TAFA1: variants seen among roughly 807,000 people sequenced by gnomAD.
TAFA1 encodes the protein chemokine-like protein TAFA-1.
In TAFA1, 4 loss-of-function variants were observed where a neutral mutation model predicts 18.5. The observed-to-expected ratio is 0.22, with a 90% CI of 0.11 to 0.49. The LOEUF is 0.49. TAFA1 is among the 20% of genes least tolerant of loss of function. The pLI is 0.98. For synonymous variants in TAFA1, 56 were observed against 55.2 expected, an observed-to-expected ratio of 1.01 and a Z score of -0.06; for missense variants, 147 against 169.0, an observed-to-expected ratio of 0.87 and a Z score of 0.72.
chr3:68,448,459 G>A (rs1442334370), intron 3 of TAFA1, among the ~76,000 whole-genome samples: 2 of 152,074 alleles, frequency 1.3e-5, no homozygotes, highest in South Asian at 2.1e-4. Context: ...CTATTAATAC[G>A]ACGACTGTAC....
At chr3:68,431,275 C>A (rs1355480278) in intron 3 of TAFA1, among the ~76,000 whole-genome samples, 2 of 152,122 alleles carry the variant, frequency 1.3e-5, no homozygotes, top group African/African-American at 4.8e-5. Context: ...TTAAAATCTT[C>A]AAGCACATAA....
chr3:68,297,887 C>T (rs551948758), intron 2 of TAFA1, among the ~76,000 whole-genome samples: 1 of 152,284 alleles, frequency 6.6e-6, no homozygotes, highest in Non-Finnish European at 1.5e-5. Flanking sequence ...TTACAACAAG[C>T]TCAGTAAGTC....
upstream of TAFA1, among the ~76,000 whole-genome samples, chr3:68,003,689 T>A (rs1401242100): frequency 6.6e-6 from 1 of 152,180 alleles, no homozygotes; most frequent in Admixed American, 6.5e-5. Context: ...CACCCCAGCA[T>A]GTTATTTGAA....
At chr3:68,154,809 C>T (rs2065847923) in intron 2 of TAFA1, among the ~76,000 whole-genome samples, 1 of 152,126 alleles carries the variant, frequency 6.6e-6, no homozygotes, top group Admixed American at 6.6e-5. Flanking sequence ...CCCCAGTGCC[C>T]TTGGGACATT....
intron 2 of TAFA1, among the ~76,000 whole-genome samples, chr3:68,037,086 G>T (rs990373032): frequency 6.6e-6 from 1 of 152,134 alleles, no homozygotes; most frequent in African/African-American, 2.4e-5. Context: ...CTTGGGAGAG[G>T]TCAGGGAAGA....
chr3:68,101,444 C>T (rs2106817971), intron 2 of TAFA1, among the ~76,000 whole-genome samples: 1 of 152,072 alleles, frequency 6.6e-6, no homozygotes, highest in African/African-American at 2.4e-5. Flanking sequence ...AAATGTCCAA[C>T]AATGATAGAC....
chr3:68,523,584 T>A (rs1018186143), intron 3 of TAFA1, among the ~76,000 whole-genome samples: 6 of 152,186 alleles, frequency 3.9e-5, no homozygotes, highest in Middle Eastern at 3.2e-3. Flanking sequence ...CAAAAACTCA[T>A]AAATATAGTA....
intron 2 of TAFA1, among the ~76,000 whole-genome samples, chr3:68,045,181 C>A (rs1193262726): frequency 6.6e-6 from 1 of 152,030 alleles, no homozygotes; most frequent in East Asian, 1.9e-4. Context: ...CATTAGCTAT[C>A]CAAATGGAGC....
chr3:68,019,191 T>C (rs1704628969), intron 2 of TAFA1, among the ~76,000 whole-genome samples: 1 of 152,222 alleles, frequency 6.6e-6, no homozygotes. Context: ...GTTAGCTTGT[T>C]GTATATCATG....
intron 2 of TAFA1, among the ~76,000 whole-genome samples, chr3:68,277,862 C>T (rs1310078666): frequency 6.6e-6 from 1 of 152,264 alleles, no homozygotes; most frequent in East Asian, 1.9e-4. Context: ...ATCGTGACAA[C>T]TTTTCAGGTC....
At chr3:68,327,702 C>T (rs983963) in intron 2 of TAFA1, among the ~76,000 whole-genome samples, 20,550 of 152,146 alleles carry the variant, frequency 0.14, 1,750 homozygotes, top group East Asian at 0.37. Flanking sequence ...GGTATTACTG[C>T]CCAGTGCACA....
At chr3:68,038,776 T>C (rs906262100) in intron 2 of TAFA1, among the ~76,000 whole-genome samples, 5 of 152,198 alleles carry the variant, frequency 3.3e-5, no homozygotes, top group Admixed American at 3.3e-4. Flanking sequence ...TAGAGATGTT[T>C]AGCCAAGATG....
chr3:68,237,660 A>G (rs2066944628), intron 2 of TAFA1, among the ~76,000 whole-genome samples: 1 of 152,144 alleles, frequency 6.6e-6, no homozygotes, highest in Non-Finnish European at 1.5e-5. Context: ...TTACCTATAC[A>G]CTTTTTGCCT....
intron 2 of TAFA1, among the ~76,000 whole-genome samples, chr3:68,380,727 C>A (rs571702373): frequency 3.9e-5 from 6 of 152,094 alleles, no homozygotes; most frequent in African/African-American, 1.4e-4. Context: ...GTTGCCTGTT[C>A]ACTCTGACAG....
chr3:68,109,369 CT>C (rs2065239421), intron 2 of TAFA1, among the ~76,000 whole-genome samples: 1 of 152,078 alleles, frequency 6.6e-6, no homozygotes, highest in African/African-American at 2.4e-5. Context: ...CATGTGTTAT[CT>C]GTTCATATTG....
intron 2 of TAFA1, among the ~76,000 whole-genome samples, chr3:68,068,330 T>C (rs1452394363): frequency 1.3e-5 from 2 of 152,198 alleles, no homozygotes; most frequent in African/African-American, 4.8e-5. Context: ...GCATTCCTCA[T>C]GGGGTTAACT....
chr3:68,342,179 A>T (rs558824093), intron 2 of TAFA1, among the ~76,000 whole-genome samples: 1 of 152,168 alleles, frequency 6.6e-6, no homozygotes, highest in African/African-American at 2.4e-5. Context: ...TCACAAAACA[A>T]AGATACCCCT....
In TAFA1 at chr3:68,025,380, G is replaced by A. The variant is rs114664215; in HGVS notation, c.118+18636G>A. Among the ~76,000 whole-genome samples, 565 of 152,280 alleles carry A rather than the reference G, an allele frequency of 3.7e-3. 6 individuals are homozygous for A. The highest frequency in any genetic ancestry group is 0.013 in the African/African-American group (542 of 41,554). The stretch of plus-strand genomic sequence containing the variant: ...ACGTGGATTATAGGGGAAGCCTAGG[G>A]TGGTCTCTTGCTTTCACCTTTGCCA... On this transcript the variant is annotated intron_variant, in intron 2 of 4. Transcript: ENST00000478136.
intron 3 of TAFA1, among the ~76,000 whole-genome samples, chr3:68,419,320 C>T (rs2070911802): frequency 1.3e-5 from 2 of 152,244 alleles, no homozygotes; most frequent in Admixed American, 1.3e-4. Flanking sequence ...TAAGGAGATA[C>T]ATTTTTATCT....
Sources: allele counts gnomAD v4.1 joint callset (sites outside exome capture counted in the v4.1 genomes callset), GRCh38; gene constraint gnomAD v4.1.1; transcripts MANE v1.5; gene names NCBI Gene and HGNC (gene_info 2026-07-23, HGNC 2026-07-21).